GAD1: variants seen among roughly 807,000 people sequenced by gnomAD.
GAD1 encodes the protein 67 kDa glutamic acid decarboxylase.
Under a neutral mutation model 75.2 loss-of-function variants are expected in GAD1, and 35 were observed. The ratio of observed to expected loss-of-function variants is 0.47; its 90% CI spans 0.36 to 0.62. The LOEUF (loss-of-function observed/expected upper bound fraction) is 0.62, where lower values mean the gene tolerates loss of function less well. Among genes scored for constraint, GAD1 ranks in the 20% least tolerant of loss-of-function variants. The pLI, the probability that GAD1 is intolerant of heterozygous loss-of-function variation, is 0.00. For synonymous variants in GAD1, 257 were observed against 271.9 expected (o/e 0.95, Z 0.54); for missense variants, 490 against 758.5 (o/e 0.65, Z 4.16).
intron 5 of GAD1, among the ~76,000 whole-genome samples, chr2:170,833,341 T>A (rs1328237577): frequency 6.6e-6 from 1 of 152,250 alleles, no homozygotes; most frequent in Non-Finnish European, 1.5e-5. Context: ...AAATGACTGA[T>A]GGATACACAA....
chr2:170,829,576 G>T lies in GAD1; in HGVS notation c.247G>T (p.Asp83Tyr). Residue 83 changes from aspartate (D) to tyrosine (Y), a missense_variant, in exon 4 of 17, where the codon GAC becomes TAC. Coordinates refer to ENST00000358196, the MANE Select transcript of GAD1 (RefSeq NM_000817.3). ...GAACCTGCTTTCCTGTGAAAACAGCGACCGGGATGCCCGCTTCCGGCGCAC... is the reference window on the plus strand; with the variant it reads ...GAACCTGCTTTCCTGTGAAAACAGCTACCGGGATGCCCGCTTCCGGCGCAC... The part of the protein sequence containing the change: ...SKNLLSCENS[D>Y]RDARFRRTET... 6.2e-7 allele frequency: 1 copy of T among 1,613,842 alleles called. No individual in the cohort carries two copies. The highest frequency in any genetic ancestry group is 1.1e-5 in the South Asian group (1 of 91,038).
Position 170,836,893 on chromosome 2 carries a change from A to C in GAD1, c.638+10A>C, listed in dbSNP as rs769537621. The C allele has an allele frequency of 8.8e-6, 14 of 1,588,298 alleles. No individual in the cohort carries two copies. Among genetic ancestry groups the C allele is most frequent in the Non-Finnish European group, 1.7e-6 (2 of 1,156,714 alleles). ...CGGCCAATACCAACATGTAAGTCTC[A>C]TATGTTTTCATATAAGCAACCCTGA... On this transcript the variant is annotated intron_variant, in intron 6 of 16. Coordinates refer to ENST00000358196, the MANE Select transcript of GAD1 (RefSeq NM_000817.3).
rs1201241708 is a variant in GAD1, at chr2:170,845,827, A to G, written c.947+42A>G. ...GAATATTAGGTTCTTGATGTATTAAATGTGTTCATCTGTTAAATTTGTTTT... is the reference window on the plus strand; with the variant it reads ...GAATATTAGGTTCTTGATGTATTAAGTGTGTTCATCTGTTAAATTTGTTTT... On this transcript the variant is annotated intron_variant, in intron 9 of 16. Coordinates refer to ENST00000358196, the MANE Select transcript of GAD1 (RefSeq NM_000817.3). 4.4e-6 allele frequency: 7 copies of G among 1,581,460 alleles called. No individual in the cohort carries two copies. In the South Asian group the frequency reaches 6.6e-5, roughly 15 times the overall value.
chr2:170,856,115 T>C (rs1402613482), intron 14 of GAD1, among the ~76,000 whole-genome samples: 1 of 152,192 alleles, frequency 6.6e-6, no homozygotes, highest in Non-Finnish European at 1.5e-5. Flanking sequence ...GCAGTGACAC[T>C]ACCTGGGGAG....
intron 4 of GAD1, chr2:170,829,904 T>G: frequency 8.7e-6 from 4 of 457,668 alleles, no homozygotes; most frequent in Non-Finnish European, 1.6e-5. Context: ...TCATAGACTC[T>G]CAGAGTCAAA....
At chr2:170,859,445 G>GT (rs1215721819) in intron 16 of GAD1, among the ~76,000 whole-genome samples, 3 of 152,154 alleles carry the variant, frequency 2.0e-5, no homozygotes, top group Non-Finnish European at 4.4e-5. Context: ...GTCTATAAGA[G>GT]TTTTTTGGTT....
At chr2:170,840,670 G>A (rs1347584155) in intron 6 of GAD1, among the ~76,000 whole-genome samples, 2 of 79,298 alleles carry the variant, frequency 2.5e-5, no homozygotes, top group Non-Finnish European at 5.7e-5. Flanking sequence ...GGGAGGGAGG[G>A]AGGGAGGGAG....
chr2:170,829,357 T>A, intron 3 of GAD1, 118 bp from the exon 4 acceptor site: 1 of 1,174,350 alleles, frequency 8.5e-7, no homozygotes. Flanking sequence ...ACACAGACAC[T>A]CACTTCTTTT....
Position 170,822,169 on chromosome 2 carries a change from G to C in GAD1, c.145+20G>C. 2 of 1,610,216 alleles carry C rather than the reference G, an allele frequency of 1.2e-6. No homozygotes were observed. The highest frequency in any genetic ancestry group is 1.7e-6 in the Non-Finnish European group (2 of 1,178,168). ...TCTGCGGTAAGTGACAGGACCCACT[G>C]GGGCCCGGCTGGGTGGCGCGGCGGG... On this transcript the variant is annotated intron_variant, in intron 3 of 16. Coordinates refer to ENST00000358196, the MANE Select transcript of GAD1 (RefSeq NM_000817.3).
At chr2:170,827,260 G>A (rs1470929594) in intron 3 of GAD1, among the ~76,000 whole-genome samples, 2 of 152,182 alleles carry the variant, frequency 1.3e-5, no homozygotes, top group Non-Finnish European at 2.9e-5. Flanking sequence ...AGATTAACTT[G>A]CCTTTTTGCA....
intron 6 of GAD1, chr2:170,842,603 TGATGGGGCTCAGA>T (rs1225357278): frequency 6.2e-7 from 1 of 1,613,912 alleles, no homozygotes; most frequent in Non-Finnish European, 8.5e-7. Flanking sequence ...GTTGCTACGG[TGATGGGGCTCAGA>T]GCAGAACCAA....
chr2:170,848,751 C>T (rs1297979344), intron 11 of GAD1: 2 of 518,852 alleles, frequency 3.9e-6, no homozygotes, highest in African/African-American at 3.9e-5. Context: ...CTAACAAAGG[C>T]TGTGTCACGT....
chr2:170,816,957 C>T lies in GAD1; in HGVS notation c.-155C>T. 1 of 197,110 alleles carries T rather than the reference C, an allele frequency of 5.1e-6. No individual in the cohort carries two copies. The highest frequency in any genetic ancestry group is 1.0e-5 in the Non-Finnish European group (1 of 96,290). 12.2% of individuals were successfully genotyped at this position (197,110 alleles called of 1,614,324 possible). ...GGAAGCAGCTGGAGGTGACGCCGGG[C>T]AGATTACGCCTGTCAGGGCCGAGCC... On this transcript the variant is annotated 5_prime_UTR_variant, in exon 1 of 17. Coordinates refer to ENST00000358196, the MANE Select transcript of GAD1 (RefSeq NM_000817.3).
intron 10 of GAD1, among the ~76,000 whole-genome samples, chr2:170,847,073 C>G (rs1033494268): frequency 6.6e-6 from 1 of 152,206 alleles, no homozygotes; most frequent in African/African-American, 2.4e-5. Context: ...TCTACTCCTT[C>G]GTTTATTTTT....
chr2:170,822,823 A>G (rs1407952895), intron 3 of GAD1, among the ~76,000 whole-genome samples: 1 of 152,202 alleles, frequency 6.6e-6, no homozygotes, highest in Non-Finnish European at 1.5e-5. Flanking sequence ...TGCCTGGCGC[A>G]TCCTTGAAGG....
chr2:170,836,983 C>A lies in GAD1; in HGVS notation c.638+100C>A, dbSNP rs140631359. 449 of 819,106 alleles carry A rather than the reference C, an allele frequency of 5.5e-4. 3 individuals are homozygous for A. Among genetic ancestry groups the A allele is most frequent in the Middle Eastern group, 4.7e-3 (19 of 4,014 alleles). The allele number at this position is 819,106 out of a possible 1,614,324, so 50.7% of individuals were successfully genotyped here. On this transcript the variant is annotated intron_variant, in intron 6 of 16. Coordinates refer to ENST00000358196, the MANE Select transcript of GAD1 (RefSeq NM_000817.3). Reference sequence around the variant, plus strand: ...GTGGTTCTATTTTATTAAAGTTTCCCTGGTCATTTTTTCTCTTAAAATCTT... The same window carrying A: ...GTGGTTCTATTTTATTAAAGTTTCCATGGTCATTTTTTCTCTTAAAATCTT...
At chr2:170,847,871 C>T in intron 11 of GAD1, 79 bp downstream of exon 11, 1 of 926,908 alleles carries the variant, frequency 1.1e-6, no homozygotes, top group South Asian at 1.3e-5. Context: ...AAGCTTCTCC[C>T]CACGCCCCAG....
intron 3 of GAD1, among the ~76,000 whole-genome samples, chr2:170,825,959 A>G (rs1702014734): frequency 6.6e-6 from 1 of 151,946 alleles, no homozygotes; most frequent in South Asian, 2.1e-4. Context: ...CAAGGCACTG[A>G]CCTCCATGTC....
chr2:170,836,226 T>C lies in GAD1; in HGVS notation c.548-567T>C, dbSNP rs1227389861. Among the ~76,000 whole-genome samples the C allele has an allele frequency of 2.0e-5, 3 of 152,150 alleles. No homozygotes were observed. In the East Asian group the frequency reaches 5.8e-4, roughly 29 times the overall value. On this transcript the variant is annotated intron_variant, in intron 5 of 16. Transcript: ENST00000358196. ...CTAGATAATCTATTGCGTTGACTCC[T>C]TCCTGACAGCTGAGCCAAGCCTGCT...
Sources: gnomAD v4.1 joint callset for allele counts (sites outside exome capture counted in the v4.1 genomes callset) on GRCh38, gnomAD v4.1.1 for gene constraint, MANE v1.5 for transcripts, NCBI Gene and HGNC (gene_info 2026-07-23, HGNC 2026-07-21) for gene names.